Variants in STK39 observed in about 807,000 individuals in gnomAD.
STK39 encodes the protein STE20/SPS1-related proline-alanine-rich protein kinase.
A neutral mutation model predicts 77.8 loss-of-function variants in STK39; 20 were observed. That is an observed-to-expected ratio of 0.26 (90% CI 0.18 to 0.37). The LOEUF (loss-of-function observed/expected upper bound fraction) is 0.37. Ranked by LOEUF, STK39 falls within the 10% of genes least tolerant of loss-of-function variation. The pLI is 1.00. For missense variants in STK39, 479 were observed against 656.5 expected, an observed-to-expected ratio of 0.73 and a Z score of 2.95; for synonymous variants, 246 against 234.1, an observed-to-expected ratio of 1.05 and a Z score of -0.47.
intron 10 of STK39, among the ~76,000 whole-genome samples, chr2:168,085,724 T>C (rs1686349274): frequency 2.0e-5 from 3 of 152,172 alleles, no homozygotes; most frequent in South Asian, 2.1e-4. Flanking sequence ...CATGACAATA[T>C]CTCCTGCCCC....
At chr2:168,139,425 A>ATATATATATATATATATATATATAT (rs1559115956) in intron 7 of STK39, among the ~76,000 whole-genome samples, 40 of 131,826 alleles carry the variant, frequency 3.0e-4, no homozygotes, top group African/African-American at 1.2e-3. Context: ...TATATATATA[A>ATATATATATATATATATATATATAT]AAACAATAAA....
At chr2:168,176,808 AG>A (rs1175201639) in intron 2 of STK39, among the ~76,000 whole-genome samples, 2 of 152,214 alleles carry the variant, frequency 1.3e-5, no homozygotes, top group African/African-American at 4.8e-5. Flanking sequence ...ATGAATTTAC[AG>A]TAGATTTCTG....
chr2:168,147,828 C>A (rs946263432), intron 5 of STK39, among the ~76,000 whole-genome samples: 7 of 152,182 alleles, frequency 4.6e-5, no homozygotes, highest in African/African-American at 1.7e-4. Flanking sequence ...TCCCAGGGCC[C>A]TTTCACCCGA....
intron 1 of STK39, among the ~76,000 whole-genome samples, chr2:168,245,561 G>A (rs1426500284): frequency 6.6e-6 from 1 of 152,252 alleles, no homozygotes; most frequent in Non-Finnish European, 1.5e-5. Flanking sequence ...CACCTTGGAA[G>A]CGGAGTGAGA....
intron 16 of STK39, among the ~76,000 whole-genome samples, chr2:167,982,537 G>A (rs13415961): frequency 0.16 from 24,061 of 152,152 alleles, 2,048 homozygotes; most frequent in Middle Eastern, 0.21. Context: ...TCTGCAAGAG[G>A]TGCCTTTTTA....
At position 168,057,046 on chromosome 2, in the gene STK39, GAGAGA is replaced by G. The variant is rs1428398282; in HGVS notation, c.1376+6449_1376+6453del. ...TCAGACCTTTGAGGGGTGCTGGGGT[GAGAGA>G]AGAGGACAGGGGACTGCCACCTTGC... On this transcript the variant is annotated intron_variant, in intron 14 of 17. Transcript: ENST00000355999. Among the ~76,000 whole-genome samples, 4 of 152,306 alleles carry G rather than the reference GAGAGA, an allele frequency of 2.6e-5. No individual in the cohort carries two copies. The East Asian group carries it at 7.7e-4, about 29-fold the overall frequency.
chr2:167,960,784 C>A (rs1019525338), intron 17 of STK39, among the ~76,000 whole-genome samples: 7 of 152,030 alleles, frequency 4.6e-5, no homozygotes, highest in African/African-American at 1.7e-4. Context: ...CACCCCCCCA[C>A]CATAGAGTCT....
intron 1 of STK39, among the ~76,000 whole-genome samples, chr2:168,197,783 C>T (rs555765760): frequency 1.4e-4 from 21 of 152,284 alleles, no homozygotes; most frequent in African/African-American, 5.1e-4. Context: ...CGCCTATAAT[C>T]CCAGCACTTT....
At chr2:168,055,815 T>C (rs143663773) in intron 14 of STK39, among the ~76,000 whole-genome samples, 3 of 152,240 alleles carry the variant, frequency 2.0e-5, no homozygotes, top group Non-Finnish European at 2.9e-5. Flanking sequence ...AATATACTAA[T>C]GGAAAAATAT....
intron 12 of STK39, among the ~76,000 whole-genome samples, chr2:168,073,037 G>A (rs1485169659): frequency 6.6e-6 from 1 of 152,108 alleles, no homozygotes; most frequent in African/African-American, 2.4e-5. Flanking sequence ...CAGACATATG[G>A]TGCTGAGAAA....
At chr2:168,046,163 C>T (rs537762327) in intron 14 of STK39, among the ~76,000 whole-genome samples, 8 of 152,048 alleles carry the variant, frequency 5.3e-5, no homozygotes, top group African/African-American at 7.2e-5. Flanking sequence ...GTCAGGAGAT[C>T]GAGACCATCC....
chr2:168,220,307 T>C (rs1255768505), intron 1 of STK39, among the ~76,000 whole-genome samples: 1 of 152,102 alleles, frequency 6.6e-6, no homozygotes, highest in Non-Finnish European at 1.5e-5. Flanking sequence ...GTACTGAATA[T>C]GCTGTTGGTT....
chr2:168,008,536 G>A (rs372345173), intron 16 of STK39, among the ~76,000 whole-genome samples: 5 of 152,118 alleles, frequency 3.3e-5, no homozygotes, highest in South Asian at 2.1e-4. Context: ...AAGTGAAGAC[G>A]CTAAAAGGGG....
At chr2:168,018,395 G>A (rs974938481) in intron 14 of STK39, among the ~76,000 whole-genome samples, 1 of 151,968 alleles carries the variant, frequency 6.6e-6, no homozygotes, top group African/African-American at 2.4e-5. Context: ...AGCTACTCAG[G>A]AGGCTGAGGC....
chr2:168,136,903 G>A (rs1041453113), intron 8 of STK39, among the ~76,000 whole-genome samples: 23 of 152,170 alleles, frequency 1.5e-4, no homozygotes, highest in Non-Finnish European at 2.9e-4. Context: ...ACACAGGTAT[G>A]ACAAAATAAT....
At chr2:168,190,868 C>T (rs906722022) in intron 1 of STK39, among the ~76,000 whole-genome samples, 9 of 152,172 alleles carry the variant, frequency 5.9e-5, no homozygotes, top group Admixed American at 3.9e-4. Flanking sequence ...GGATAATCCA[C>T]CTCCTCCCAG....
intron 14 of STK39, among the ~76,000 whole-genome samples, chr2:168,031,578 G>A (rs549232911): frequency 6.6e-6 from 1 of 152,204 alleles, no homozygotes; most frequent in Non-Finnish European, 1.5e-5. Context: ...GGTAATTAAA[G>A]TTAAGTGAGA....
intron 5 of STK39, among the ~76,000 whole-genome samples, chr2:168,150,253 C>T (rs1400640): frequency 2.0e-5 from 3 of 151,922 alleles, no homozygotes; most frequent in African/African-American, 7.3e-5. Context: ...GTCGAGGAAG[C>T]GTAGCAGGAA....
chr2:167,964,608 G>T, intron 17 of STK39, 54 bp downstream of exon 17: 2 of 1,454,180 alleles, frequency 1.4e-6, no homozygotes, highest in Non-Finnish European at 9.6e-7. Flanking sequence ...ATTATTCCCT[G>T]CTGGCACAGC....
Sources: allele counts gnomAD v4.1 joint callset (sites outside exome capture counted in the v4.1 genomes callset), GRCh38; gene constraint gnomAD v4.1.1; transcripts MANE v1.5; gene names NCBI Gene and HGNC (gene_info 2026-07-23, HGNC 2026-07-21).